DMXL1: variants seen among roughly 807,000 people sequenced by gnomAD.
The protein encoded by DMXL1 is Dmx like 1.
In DMXL1, 99 loss-of-function variants were observed where a neutral mutation model predicts 319.2. The observed-to-expected ratio is 0.31, with a 90% CI of 0.26 to 0.37. The LOEUF (loss-of-function observed/expected upper bound fraction) is 0.37, where lower values mean the gene tolerates loss of function less well. DMXL1 is among the 10% of genes least tolerant of loss of function. DMXL1 has a pLI of 1.00. For missense variants in DMXL1, 3,745 were observed against 3,595.6 expected (o/e 1.04, Z -1.06); for synonymous variants, 1,385 against 1,235.2 (o/e 1.12, Z -2.54).
intron 13 of DMXL1, 78 bp downstream of exon 13, chr5:119,134,467 A>G: frequency 8.2e-7 from 1 of 1,218,484 alleles, no homozygotes; most frequent in Non-Finnish European, 1.1e-6. Context: ...GGCATGTTCT[A>G]CAATTGTGAC....
At chr5:119,190,466 AT>A (rs1439605464) in intron 29 of DMXL1, among the ~76,000 whole-genome samples, 1 of 152,194 alleles carries the variant, frequency 6.6e-6, no homozygotes, top group Non-Finnish European at 1.5e-5. Flanking sequence ...TCAGTGATTG[AT>A]TATGTAGCAC....
Position 119,170,547 on chromosome 5 carries a change from C to T in DMXL1, c.5756C>T (p.Ser1919Phe). 6.2e-7 allele frequency: 1 copy of T among 1,613,814 alleles called. No individual in the cohort carries two copies. The highest frequency in any genetic ancestry group is 8.5e-7 in the Non-Finnish European group (1 of 1,179,880). Residue 1919 changes from serine (S) to phenylalanine (F), a missense_variant, in exon 24 of 44, where the codon TCT (serine) becomes TTT (phenylalanine). Physicochemically the swap from Ser to Phe is radical, Grantham distance 155 (BLOSUM62 -2). Around this residue, in one of 4 missense-constraint regions of DMXL1, gnomAD observed 1,382 missense variants for 1,269.5 expected, o/e 1.09. Transcript: ENST00000539542. ...PLKLDAREDKSSAVDWSQSLI... is the reference protein window; with the variant it reads ...PLKLDAREDKFSAVDWSQSLI... ...AAGTTGGATGCAAGGGAAGATAAGT[C>T]TTCTGCTGTTGATTGGTCACAGTCA...
intron 19 of DMXL1, among the ~76,000 whole-genome samples, chr5:119,161,944 C>A (rs972172219): frequency 6.6e-6 from 1 of 152,184 alleles, no homozygotes; most frequent in Non-Finnish European, 1.5e-5. Flanking sequence ...GCTATAAGGT[C>A]TACCTCCTTT....
In DMXL1 at chr5:119,167,921, G is replaced by A. The variant is rs1354425951; in HGVS notation, c.5398+57G>A. On this transcript the variant is annotated intron_variant, in intron 23 of 43. Transcript: ENST00000539542. Reference sequence around the variant, plus strand: ...AGAATATTATTGGTAATTGCTACATGTGCAGATCACTCTATTAGGTGGTAA... The same window carrying A: ...AGAATATTATTGGTAATTGCTACATATGCAGATCACTCTATTAGGTGGTAA... The A allele has an allele frequency of 5.3e-6, 8 of 1,517,690 alleles. No homozygotes were observed. The African/African-American group carries it at 1.1e-4, about 21-fold the overall frequency. The allele number at this position is 1,517,690 out of a possible 1,614,324, so 94.0% of individuals were successfully genotyped here. A position where few individuals can be genotyped will look rare whatever the true frequency, so the allele number is the denominator to read the frequency against.
intron 38 of DMXL1, among the ~76,000 whole-genome samples, chr5:119,225,615 CA>C (rs1785402650): frequency 6.6e-6 from 1 of 152,036 alleles, no homozygotes; most frequent in Admixed American, 6.6e-5. Flanking sequence ...ATGCAGTTAA[CA>C]AAATCAGTAT....
In DMXL1 at chr5:119,149,612, T is replaced by C; in HGVS notation, c.3785T>C (p.Ile1262Thr). Reference protein sequence around the residue: ...TDSYSGSTPSITSLIKQSNSS... With the variant: ...TDSYSGSTPSTTSLIKQSNSS... Reference sequence around the variant, plus strand: ...TCGTACAGTGGGAGCACTCCATCTATAACAAGTTTAATAAAACAGAGTAAC... The same window carrying C: ...TCGTACAGTGGGAGCACTCCATCTACAACAAGTTTAATAAAACAGAGTAAC... Residue 1262 changes from isoleucine (I) to threonine (T), a missense_variant, in exon 18 of 44, where the codon ATA becomes ACA. Transcript: ENST00000539542. The C allele has an allele frequency of 6.2e-7, 1 of 1,613,930 alleles. No homozygotes were observed. Among genetic ancestry groups the C allele is most frequent in the Non-Finnish European group, 8.5e-7 (1 of 1,179,912 alleles).
intron 40 of DMXL1, among the ~76,000 whole-genome samples, chr5:119,238,388 A>G (rs1366214149): frequency 1.3e-5 from 2 of 152,296 alleles, no homozygotes; most frequent in East Asian, 1.9e-4. Flanking sequence ...GCTTTTATAA[A>G]TGAAGAAACC....
chr5:119,220,586 A>G lies in DMXL1; in HGVS notation c.8128A>G (p.Thr2710Ala). The change falls in exon 36 of 44, where the codon ACC becomes GCC. Residue 2710 changes from threonine (T) to alanine (A), a missense_variant. Coordinates refer to ENST00000539542, the MANE Select transcript of DMXL1 (RefSeq NM_001290321.3). ...GGTAGATGATGATATAGAAGTGGAA[A>G]CCAAAGGGTACCTTCATAGTTTGTT... ...TWVDDDIEVE[T>A]KGSEDFLVIH... is the part of the protein sequence containing the mutation. The G allele has an allele frequency of 1.2e-6, 2 of 1,612,552 alleles. No individual in the cohort carries two copies. The highest frequency in any genetic ancestry group is 1.7e-6 in the Non-Finnish European group (2 of 1,179,558).
At chr5:119,157,984 A>C (rs1771477111) in intron 19 of DMXL1, among the ~76,000 whole-genome samples, 1 of 152,080 alleles carries the variant, frequency 6.6e-6, no homozygotes, top group African/African-American at 2.4e-5. Flanking sequence ...ATATCTTACC[A>C]TTTATTTGTG....
intron 1 of DMXL1, among the ~76,000 whole-genome samples, chr5:119,081,852 T>C (rs1314484991): frequency 6.6e-6 from 1 of 152,096 alleles, no homozygotes; most frequent in South Asian, 2.1e-4. Context: ...ATTGAGTTTT[T>C]ACTGCATTTG....
intron 1 of DMXL1, among the ~76,000 whole-genome samples, chr5:119,094,531 T>TA (rs777275287): frequency 3.3e-5 from 5 of 152,266 alleles, no homozygotes; most frequent in African/African-American, 4.8e-5. Context: ...ATGTAGTTTT[T>TA]ATGCTTGCTA....
At position 119,167,532 on chromosome 5, in the gene DMXL1, G is replaced by A. The variant is rs1581122354; in HGVS notation, c.5137-71G>A. On this transcript the variant is annotated intron_variant, in intron 22 of 43. Coordinates refer to ENST00000539542, the MANE Select transcript of DMXL1 (RefSeq NM_001290321.3). ...AGCCTTTATATTTTTCTAGTTATTAGTGAGTTAACAGAATTTATCCTAAAA... is the reference window on the plus strand; with the variant it reads ...AGCCTTTATATTTTTCTAGTTATTAATGAGTTAACAGAATTTATCCTAAAA... The A allele has an allele frequency of 5.6e-6, 7 of 1,248,960 alleles. No homozygotes were observed. The East Asian group carries it at 1.8e-4, about 32-fold the overall frequency. The allele number at this position is 1,248,960 out of a possible 1,614,324, so 77.4% of individuals were successfully genotyped here. A position where few individuals can be genotyped will look rare whatever the true frequency, so the allele number is the denominator to read the frequency against.
intron 4 of DMXL1, among the ~76,000 whole-genome samples, chr5:119,107,694 T>C (rs1386305381): frequency 6.6e-6 from 1 of 152,184 alleles, no homozygotes; most frequent in Non-Finnish European, 1.5e-5. Flanking sequence ...TTATCTTCAG[T>C]TTATATTAAG....
chr5:119,174,372 C>G (rs1775371707), intron 25 of DMXL1, among the ~76,000 whole-genome samples: 1 of 152,174 alleles, frequency 6.6e-6, no homozygotes, highest in Non-Finnish European at 1.5e-5. Flanking sequence ...AAGCCCAGCT[C>G]AGATTCAGTG....
chr5:119,221,574 T>G (rs1374651333), intron 37 of DMXL1, among the ~76,000 whole-genome samples: 1 of 152,200 alleles, frequency 6.6e-6, no homozygotes, highest in Non-Finnish European at 1.5e-5. Flanking sequence ...GTCATTTGTT[T>G]CCATTTTGTC....
At chr5:119,095,677 AT>A (rs1293369850) in intron 1 of DMXL1, among the ~76,000 whole-genome samples, 1 of 152,228 alleles carries the variant, frequency 6.6e-6, no homozygotes, top group African/African-American at 2.4e-5. Flanking sequence ...GACAATCAGT[AT>A]TCTCAAAATT....
intron 34 of DMXL1, among the ~76,000 whole-genome samples, chr5:119,212,447 T>C (rs1782964018): frequency 6.6e-6 from 1 of 152,218 alleles, no homozygotes; most frequent in African/African-American, 2.4e-5. Context: ...TGTTTATCCA[T>C]TCGTCAGTTA....
intron 33 of DMXL1, among the ~76,000 whole-genome samples, chr5:119,206,228 G>GTT: frequency 6.6e-6 from 1 of 150,606 alleles, no homozygotes; most frequent in South Asian, 2.1e-4. Flanking sequence ...TCCTTTTTCT[G>GTT]TTTTTTTTTG....
intron 3 of DMXL1, 41 bp from the exon 4 acceptor site, chr5:119,105,139 A>G: frequency 7.9e-7 from 1 of 1,272,514 alleles, no homozygotes; most frequent in Non-Finnish European, 1.1e-6. Flanking sequence ...CAGAGAAAAT[A>G]TGCCAATCAT....
Sources: gnomAD v4.1 joint callset for allele counts (sites outside exome capture counted in the v4.1 genomes callset) on GRCh38, gnomAD v4.1.1 for gene constraint, gnomAD v4.1.1 regional missense constraint, MANE v1.5 for transcripts, NCBI Gene and HGNC (gene_info 2026-07-23, HGNC 2026-07-21) for gene names.